The following ZNF516 variants were observed in gnomAD, a reference collection of about 807,000 sequenced individuals.
ZNF516 encodes the protein zinc finger protein 516.
Under a neutral mutation model 79.7 loss-of-function variants are expected in ZNF516, and 19 were observed. The ratio of observed to expected loss-of-function variants is 0.24; its 90% CI spans 0.17 to 0.35. The LOEUF (loss-of-function observed/expected upper bound fraction) is 0.35. Ranked by LOEUF, ZNF516 falls within the 10% of genes least tolerant of loss-of-function variation. The pLI is 1.00. For missense variants in ZNF516, 1,678 were observed against 1,679.5 expected (o/e 1.00, Z 0.02); for synonymous variants, 877 against 739.5 (o/e 1.19, Z -3.02).
intron 4 of ZNF516, among the ~76,000 whole-genome samples, chr18:76,374,496 C>T (rs966368614): frequency 6.6e-6 from 1 of 152,192 alleles, no homozygotes; most frequent in South Asian, 2.1e-4. Flanking sequence ...TTCATATCTA[C>T]AGAAACATCA....
At chr18:76,370,211 T>C (rs769987752) in intron 6 of ZNF516, among the ~76,000 whole-genome samples, 57 of 152,308 alleles carry the variant, frequency 3.7e-4, no homozygotes, top group Non-Finnish European at 6.9e-4. Context: ...CAAACTCACA[T>C]CCAAAACCAT....
chr18:76,379,735 C>T lies in ZNF516; in HGVS notation c.2379G>A (p.Pro793=), dbSNP rs773076166. 4.8e-5 allele frequency: 78 copies of T among 1,613,706 alleles called. No homozygotes were observed. The highest frequency in any genetic ancestry group is 6.4e-5 in the Non-Finnish European group (75 of 1,179,886). ...HRVSCNSVAP[P]WIQPNGYKSI... ...TTTTGTAACCATTGGGCTGAATCCA[C>T]GGGGGAGCCACGGAGTTGCAGCTGA... Residue 793 remains proline (P), a synonymous_variant, in exon 4 of 7, where the codon CCG becomes CCA. Coordinates refer to ENST00000443185, the MANE Select transcript of ZNF516 (RefSeq NM_014643.4).
chr18:76,426,541 A>T lies in ZNF516; in HGVS notation c.1810+14704T>A, dbSNP rs199787280. On this transcript the variant is annotated intron_variant, in intron 3 of 6. Transcript: ENST00000443185. Reference sequence around the variant, plus strand: ...TGGGACATACATAAACTTTTTTTTTAAAGTATTTATTGTTTATCTAAAATC... The same window carrying T: ...TGGGACATACATAAACTTTTTTTTTTAAGTATTTATTGTTTATCTAAAATC... Among the ~76,000 whole-genome samples, 445 of 150,018 alleles carry T rather than the reference A, an allele frequency of 3.0e-3. 3 individuals are homozygous for T. The highest frequency in any genetic ancestry group is 0.01 in the African/African-American group (421 of 40,926).
intron 1 of ZNF516, among the ~76,000 whole-genome samples, chr18:76,468,158 A>G (rs1408047129): frequency 1.3e-5 from 2 of 152,176 alleles, no homozygotes; most frequent in African/African-American, 4.8e-5. Flanking sequence ...TCTGCTCTCT[A>G]TGTATACAGA....
At chr18:76,368,315 G>C (rs901665491) in intron 6 of ZNF516, among the ~76,000 whole-genome samples, 4 of 151,932 alleles carry the variant, frequency 2.6e-5, no homozygotes, top group Non-Finnish European at 5.9e-5. Flanking sequence ...AAGGAAAATG[G>C]AATTTCCTTA....
rs1275218702 is a variant in ZNF516, at chr18:76,441,560, C to T, written c.1495G>A (p.Ala499Thr). The change falls in exon 3 of 7, where the codon GCG becomes ACG. Residue 499 changes from alanine to threonine, a missense_variant. Around this residue, in one of 5 missense-constraint regions of ZNF516, gnomAD observed 1,294 missense variants for 1,248.3 expected, o/e 1.04. Transcript: ENST00000443185. Reference sequence around the variant, plus strand: ...GCTGCGGCCCTGCGGTTGGGGCGCGCGGCCGAGCGGGGATCGAGGTGGCCG... The same window carrying T: ...GCTGCGGCCCTGCGGTTGGGGCGCGTGGCCGAGCGGGGATCGAGGTGGCCG... ...PAGHLDPRSA[A>T]RPNRRAAATT... The T allele has an allele frequency of 2.7e-6, 4 of 1,484,422 alleles. No individual in the cohort carries two copies. Among genetic ancestry groups the T allele is most frequent in the Admixed American group, 2.6e-5 (1 of 38,552 alleles). 92.0% of individuals were successfully genotyped at this position (1,484,422 alleles called of 1,614,324 possible).
chr18:76,379,334 C>T lies in ZNF516; in HGVS notation c.2780G>A (p.Arg927Lys). The T allele has an allele frequency of 1.9e-6, 3 of 1,594,792 alleles. No individual in the cohort carries two copies. The highest frequency in any genetic ancestry group is 2.6e-6 in the Non-Finnish European group (3 of 1,169,980). Residue 927 changes from arginine (R) to lysine (K), a missense_variant, in exon 4 of 7, where the codon AGG becomes AAG. Coordinates refer to ENST00000443185, the MANE Select transcript of ZNF516 (RefSeq NM_014643.4). Reference sequence around the variant, plus strand: ...GACGGTGGGCGTAGGGGTGGCGCTCCTGCTGAAGCCCCCGCCACCCGGGGC... The same window carrying T: ...GACGGTGGGCGTAGGGGTGGCGCTCTTGCTGAAGCCCCCGCCACCCGGGGC... ...VPAPGGGGFS[R>K]SATPTPTVIA...
intron 2 of ZNF516, among the ~76,000 whole-genome samples, chr18:76,462,179 G>A (rs1350849842): frequency 3.9e-5 from 6 of 151,956 alleles, no homozygotes; most frequent in South Asian, 2.1e-4. Flanking sequence ...ACACTTCCAC[G>A]CCAGAGGCCA....
Position 76,441,390 on chromosome 18 carries a change from G to C in ZNF516, c.1665C>G (p.Arg555=). 1 of 1,609,760 alleles carries C rather than the reference G, an allele frequency of 6.2e-7. No homozygotes were observed. Among genetic ancestry groups the C allele is most frequent in the South Asian group, 1.1e-5 (1 of 90,966 alleles). Residue 555 remains arginine (R), a synonymous_variant, in exon 3 of 7, where the codon CGC becomes CGG. Coordinates refer to ENST00000443185, the MANE Select transcript of ZNF516 (RefSeq NM_014643.4). ...DSDGDRAARA[R]CGSLSEGDSA... ...AGTCACCCTCACTGAGTGATCCGCA[G>C]CGGGCCCGCGCCGCCCTGTCCCCGT...
chr18:76,406,479 G>A (rs1453349707), intron 3 of ZNF516, among the ~76,000 whole-genome samples: 4 of 152,314 alleles, frequency 2.6e-5, no homozygotes, highest in East Asian at 1.9e-4. Context: ...CAGGAGAATC[G>A]CTTGAACCCG....
At position 76,357,947 on chromosome 18, in the gene ZNF516, C is replaced by T. The variant is rs141976864; in HGVS notation, c.*4551G>A. 9.9e-5 allele frequency among the ~76,000 whole-genome samples: 15 copies of T among 152,240 alleles called. No homozygotes were observed. In the East Asian group the frequency reaches 1.9e-3, roughly 20 times the overall value. ...GTGAAAGAAAATGAGAAAAACACAGCGTCTCCATTAAAAAACTGTATGTCC... is the reference window on the plus strand; with the variant it reads ...GTGAAAGAAAATGAGAAAAACACAGTGTCTCCATTAAAAAACTGTATGTCC... On this transcript the variant is annotated 3_prime_UTR_variant, in exon 7 of 7. Coordinates refer to ENST00000443185, the MANE Select transcript of ZNF516 (RefSeq NM_014643.4).
intron 1 of ZNF516, among the ~76,000 whole-genome samples, chr18:76,474,179 C>T (rs1183632013): frequency 5.3e-5 from 8 of 152,154 alleles, no homozygotes; most frequent in African/African-American, 1.4e-4. Flanking sequence ...GCAAATCTCT[C>T]GTAAGCATGG....
chr18:76,456,189 G>C (rs1912712361), intron 2 of ZNF516, among the ~76,000 whole-genome samples: 1 of 152,186 alleles, frequency 6.6e-6, no homozygotes, highest in South Asian at 2.1e-4. Context: ...TCACGCTCCT[G>C]GCCTGACTTC....
chr18:76,379,769 C>T lies in ZNF516; in HGVS notation c.2345G>A (p.Trp782Ter). ...CACGGAGTTGCAGCTGACGCGGTGC[C>T]AGATGCGTTTGTGCATCCACAGGAC... ...PEVLWMHKRI[W>*]HRVSCNSVAP... Residue 782 changes from tryptophan to a stop codon, truncating the protein, a stop_gained, in exon 4 of 7, where the codon TGG becomes TAG. Transcript: ENST00000443185. LOFTEE classifies it high-confidence loss of function. 1 of 1,613,928 alleles carries T rather than the reference C, an allele frequency of 6.2e-7. No homozygotes were observed. Among genetic ancestry groups the T allele is most frequent in the Non-Finnish European group, 8.5e-7 (1 of 1,179,866 alleles).
Position 76,414,808 on chromosome 18 carries a change from T to G in ZNF516, c.1810+26437A>C, listed in dbSNP as rs1354064837. On this transcript the variant is annotated intron_variant, in intron 3 of 6. Coordinates refer to ENST00000443185, the MANE Select transcript of ZNF516 (RefSeq NM_014643.4). Reference sequence around the variant, plus strand: ...CATAGAGAATCTGGCTTTTAATCTATTTTTCAAATCAAGTGATACGTGTGT... The same window carrying G: ...CATAGAGAATCTGGCTTTTAATCTAGTTTTCAAATCAAGTGATACGTGTGT... Among the ~76,000 whole-genome samples the G allele has an allele frequency of 2.6e-5, 4 of 152,250 alleles. No homozygotes were observed. The East Asian group carries it at 7.7e-4, about 29-fold the overall frequency.
intron 1 of ZNF516, among the ~76,000 whole-genome samples, chr18:76,471,364 C>G (rs939402613): frequency 8.5e-5 from 13 of 152,202 alleles, no homozygotes; most frequent in Non-Finnish European, 1.5e-4. Context: ...TAACACCTGG[C>G]AAGAGAGGGC....
chr18:76,469,835 A>T (rs1913721465), intron 1 of ZNF516, among the ~76,000 whole-genome samples: 1 of 152,222 alleles, frequency 6.6e-6, no homozygotes, highest in Non-Finnish European at 1.5e-5. Flanking sequence ...AAAATAGCTA[A>T]AATGGTAAAC....
chr18:76,463,951 G>C (rs1179499267), intron 1 of ZNF516, among the ~76,000 whole-genome samples: 2 of 152,152 alleles, frequency 1.3e-5, no homozygotes, highest in Non-Finnish European at 2.9e-5. Context: ...GACAGAAGAA[G>C]ATCCACCGAA....
chr18:76,395,237 C>T lies in ZNF516; in HGVS notation c.1811-14934G>A, dbSNP rs115214996. ...CACTCCTGCTGCCGCAGGGCCTCTG[C>T]GCTCGCTGTTTCCCCCGCAATTCAC... On this transcript the variant is annotated intron_variant, in intron 3 of 6. Transcript: ENST00000443185. 4.4e-3 allele frequency among the ~76,000 whole-genome samples: 663 copies of T among 152,336 alleles called. 4 individuals carry two copies. The highest frequency in any genetic ancestry group is 0.015 in the African/African-American group (632 of 41,566).
Sources: gnomAD v4.1 joint callset for allele counts (sites outside exome capture counted in the v4.1 genomes callset) on GRCh38, gnomAD v4.1.1 for gene constraint, gnomAD v4.1.1 regional missense constraint, MANE v1.5 for transcripts, NCBI Gene and HGNC (gene_info 2026-07-23, HGNC 2026-07-21) for gene names.